The following CBLB variants were observed in gnomAD, a reference collection of about 807,000 sequenced individuals.
The protein encoded by CBLB is E3 ubiquitin-protein ligase CBL-B.
In CBLB, 31 loss-of-function variants were observed where a neutral mutation model predicts 104.9. That is an observed-to-expected ratio of 0.30 (90% confidence interval 0.22 to 0.40). The LOEUF is 0.40. CBLB is among the 10% of genes least tolerant of loss of function. CBLB has a pLI of 1.00. For synonymous variants in CBLB, 440 were observed against 422.6 expected (o/e 1.04, Z -0.51); for missense variants, 1,062 against 1,214.6 (o/e 0.87, Z 1.87).
chr3:105,773,613 G>A (rs1486047556), intron 4 of CBLB, among the ~76,000 whole-genome samples: 4 of 152,040 alleles, frequency 2.6e-5, no homozygotes, highest in African/African-American at 7.2e-5. Context: ...TTTTTTTAAC[G>A]CTAGTAATAT....
intron 13 of CBLB, 37 bp downstream of exon 13, chr3:105,693,457 G>T: frequency 7.5e-7 from 1 of 1,327,014 alleles, no homozygotes; most frequent in Non-Finnish European, 1.1e-6. Context: ...ATATCTTGAT[G>T]CATAGACAAG....
At chr3:105,785,420 A>T (rs2080863838) in intron 3 of CBLB, among the ~76,000 whole-genome samples, 2 of 151,960 alleles carry the variant, frequency 1.3e-5, no homozygotes, top group East Asian at 3.9e-4. Flanking sequence ...ATTTTCTCTC[A>T]TTTTTTTTCT....
At chr3:105,858,236 T>C (rs1031135806) in intron 2 of CBLB, among the ~76,000 whole-genome samples, 3 of 152,202 alleles carry the variant, frequency 2.0e-5, no homozygotes, top group Non-Finnish European at 4.4e-5. Flanking sequence ...TGGATTACTA[T>C]TAAACCCTGT....
At chr3:105,669,065 AATCC>A (rs140483751) in intron 18 of CBLB, among the ~76,000 whole-genome samples, 4,455 of 149,940 alleles carry the variant, frequency 0.03, 105 homozygotes, top group Non-Finnish European at 0.044. Flanking sequence ...TGTCCACTCA[AATCC>A]ATCCATCCAT....
At chr3:105,809,251 T>C (rs1448244645) in intron 3 of CBLB, among the ~76,000 whole-genome samples, 3 of 152,224 alleles carry the variant, frequency 2.0e-5, no homozygotes, top group South Asian at 2.1e-4. Context: ...TATAAACACA[T>C]ATTCTGTCTA....
intron 4 of CBLB, among the ~76,000 whole-genome samples, chr3:105,763,056 G>A (rs995461019): frequency 1.3e-5 from 2 of 152,154 alleles, no homozygotes; most frequent in Non-Finnish European, 2.9e-5. Context: ...GGTTTGACTG[G>A]CCCGCTGGAT....
chr3:105,696,820 T>C (rs945922203), intron 12 of CBLB, among the ~76,000 whole-genome samples: 1 of 151,950 alleles, frequency 6.6e-6, no homozygotes, highest in Non-Finnish European at 1.5e-5. Context: ...TGCCATGGTC[T>C]TACCTCACCT....
intron 9 of CBLB, among the ~76,000 whole-genome samples, chr3:105,724,983 G>A (rs558244453): frequency 2.7e-4 from 41 of 152,226 alleles, no homozygotes; most frequent in African/African-American, 9.6e-4. Context: ...TACACTATAG[G>A]ATCAGCATGT....
chr3:105,685,462 T>G lies in CBLB; in HGVS notation c.2059A>C (p.Thr687Pro). Residue 687 changes from threonine (T) to proline (P), a missense_variant, in exon 14 of 19, where the codon ACT becomes CCT. Thr to Pro is a conservative substitution (Grantham distance 38). Transcript: ENST00000394030. Reference sequence around the variant, plus strand: ...GAAAGAGAATTTGCTAACGGACCAGTACACCTACCAGGGGAAAAAAAATCC... The same window carrying G: ...GAAAGAGAATTTGCTAACGGACCAGGACACCTACCAGGGGAAAAAAAATCC... ...VTTLLPSIKC[T>P]GPLANSLSEK... The G allele has an allele frequency of 6.2e-7, 1 of 1,612,772 alleles. No homozygotes were observed. Among genetic ancestry groups the G allele is most frequent in the Non-Finnish European group, 8.5e-7 (1 of 1,178,978 alleles).
intron 3 of CBLB, among the ~76,000 whole-genome samples, chr3:105,789,833 G>A (rs774626386): frequency 1.1e-4 from 17 of 152,206 alleles, no homozygotes; most frequent in Admixed American, 2.6e-4. Flanking sequence ...TGGGGTCTCT[G>A]TTTAAAAGTC....
chr3:105,696,104 A>C (rs2068349319), intron 12 of CBLB, among the ~76,000 whole-genome samples: 1 of 151,660 alleles, frequency 6.6e-6, no homozygotes, highest in South Asian at 2.1e-4. Context: ...ACACACACAT[A>C]TATATAATTT....
At position 105,658,079 on chromosome 3, in the gene CBLB, T is replaced by C. The variant is rs914787141; in HGVS notation, c.*891A>G. On this transcript the variant is annotated 3_prime_UTR_variant, in exon 19 of 19. Coordinates refer to ENST00000394030, the MANE Select transcript of CBLB (RefSeq NM_170662.5). ...TCCCTCAAAGTAATGCAGGCATAAG[T>C]ATCAGGGGACCTTGTTATATAACTT... The C allele has an allele frequency of 1.9e-5, 4 of 216,136 alleles. No homozygotes were observed. Among genetic ancestry groups the C allele is most frequent in the Non-Finnish European group, 3.7e-5 (4 of 107,324 alleles). The allele number at this position is 216,136 out of a possible 1,614,324, so 13.4% of individuals were successfully genotyped here.
chr3:105,739,332 T>A lies in CBLB; in HGVS notation c.983+1162A>T, dbSNP rs182367805. 1.4e-4 allele frequency among the ~76,000 whole-genome samples: 22 copies of A among 152,360 alleles called. No individual in the cohort carries two copies. In the East Asian group the frequency reaches 4.0e-3, roughly 28 times the overall value. The stretch of plus-strand genomic sequence containing the variant: ...AAGGTAAAACTCAAATCATTTGCTC[T>A]TTGTTAACTCTGGTGGACTTTTTCC... On this transcript the variant is annotated intron_variant, in intron 7 of 18. Coordinates refer to ENST00000394030, the MANE Select transcript of CBLB (RefSeq NM_170662.5).
chr3:105,776,461 C>G lies in CBLB; in HGVS notation c.501G>C (p.Gln167His). 2 of 1,613,738 alleles carry G rather than the reference C, an allele frequency of 1.2e-6. No individual in the cohort carries two copies. Among genetic ancestry groups the G allele is most frequent in the Non-Finnish European group, 1.7e-6 (2 of 1,179,858 alleles). ...CTTTTGTGATACGAAAGTTATCTCC[C>G]TGGAATTGACCATTGGGAAAGATTG... ...IKAIFPNGQF[Q>H]GDNFRITKAD... Residue 167 changes from glutamine (Q) to histidine (H), a missense_variant, in exon 4 of 19, where the codon CAG becomes CAC. By Grantham distance (24) the Gln-to-His change is conservative. This residue lies in a region of CBLB where 457 missense variants were observed against 632.0 expected (regional missense o/e 0.72). Coordinates refer to ENST00000394030, the MANE Select transcript of CBLB (RefSeq NM_170662.5).
At chr3:105,849,705 C>T (rs1311661575) in intron 3 of CBLB, among the ~76,000 whole-genome samples, 1 of 152,058 alleles carries the variant, frequency 6.6e-6, no homozygotes, top group Admixed American at 6.6e-5. Context: ...AATTAAAACA[C>T]TGTATCCACT....
chr3:105,684,713 C>T (rs976543668), intron 14 of CBLB, among the ~76,000 whole-genome samples: 15 of 151,998 alleles, frequency 9.9e-5, no homozygotes, highest in East Asian at 3.9e-4. Flanking sequence ...CCACCACACC[C>T]GGCTCATTTT....
chr3:105,849,988 T>C (rs2090746105), intron 3 of CBLB, among the ~76,000 whole-genome samples: 1 of 152,142 alleles, frequency 6.6e-6, no homozygotes, highest in African/African-American at 2.4e-5. Flanking sequence ...ATAATATTTC[T>C]CTACCTTACT....
chr3:105,734,047 C>T lies in CBLB; in HGVS notation c.1165G>A (p.Gly389Arg), dbSNP rs1270553280. ...AGGCAAGAGGTGCACATCAAATGCC[C>T]ACAAGGCTCAATCTTGACATCTTTG... The part of the protein sequence containing the change: ...NDKDVKIEPC[G>R]HLMCTSCLTA... The change falls in exon 9 of 19, where the codon GGG becomes AGG. Residue 389 changes from glycine (G) to arginine (R), a missense_variant. Physicochemically the swap from Gly to Arg is moderately radical, Grantham distance 125. This residue lies in a region of CBLB where 457 missense variants were observed against 632.0 expected (regional missense o/e 0.72). Transcript: ENST00000394030. 6.2e-7 allele frequency: 1 copy of T among 1,614,044 alleles called. No homozygotes were observed. Among genetic ancestry groups the T allele is most frequent in the East Asian group, 2.2e-5 (1 of 44,860 alleles).
intron 9 of CBLB, chr3:105,724,282 T>C (rs1368505108): frequency 6.4e-6 from 1 of 157,110 alleles, no homozygotes; most frequent in Non-Finnish European, 1.4e-5. Context: ...TTCTGGTTTA[T>C]TATGATGGAC....
Sources: gnomAD v4.1 joint callset for allele counts (sites outside exome capture counted in the v4.1 genomes callset) on GRCh38, gnomAD v4.1.1 for gene constraint, gnomAD v4.1.1 regional missense constraint, MANE v1.5 for transcripts, NCBI Gene and HGNC (gene_info 2026-07-23, HGNC 2026-07-21) for gene names.